Variants in TRHDE observed in about 807,000 individuals in gnomAD.
TRHDE encodes thyrotropin releasing hormone degrading enzyme, also known as thyrotropin-releasing hormone-degrading ectoenzyme.
TRHDE carries 72 observed loss-of-function variants against 125.7 expected under a neutral mutation model. The ratio of observed to expected loss-of-function variants is 0.57; its 90% confidence interval spans 0.47 to 0.70. The LOEUF is 0.70. Ranked by LOEUF, TRHDE falls within the 30% of genes least tolerant of loss-of-function variation. TRHDE has a pLI of 0.00. For synonymous variants in TRHDE, 509 were observed against 509.1 expected, an observed-to-expected ratio of 1.00 and a Z score of 0.00; for missense variants, 1,110 against 1,327.1, an observed-to-expected ratio of 0.84 and a Z score of 2.54.
chr12:72,616,970 T>C (rs1411977689), intron 12 of TRHDE, among the ~76,000 whole-genome samples: 2 of 152,114 alleles, frequency 1.3e-5, no homozygotes, highest in African/African-American at 4.8e-5. Context: ...TAAAACATTA[T>C]TTTAATAAAA....
intron 2 of TRHDE, among the ~76,000 whole-genome samples, chr12:72,222,290 G>A (rs973511187): frequency 4.6e-5 from 7 of 152,068 alleles, no homozygotes; most frequent in African/African-American, 1.7e-4. Context: ...CTGGTAAGAA[G>A]AGCATGTGGA....
chr12:72,087,842 G>A (rs1449824884), intron 1 of TRHDE, among the ~76,000 whole-genome samples: 2 of 152,066 alleles, frequency 1.3e-5, no homozygotes, highest in East Asian at 3.9e-4. Context: ...TAGCAATCTG[G>A]GCCGTTGTGT....
intron 2 of TRHDE, among the ~76,000 whole-genome samples, chr12:72,184,675 A>C (rs1415411616): frequency 1.3e-5 from 2 of 151,996 alleles, no homozygotes. Context: ...CATAGAATGC[A>C]ATTTCTATTC....
upstream of TRHDE, among the ~76,000 whole-genome samples, chr12:72,271,500 G>A (rs1357270695): frequency 6.6e-6 from 1 of 152,226 alleles, no homozygotes; most frequent in African/African-American, 2.4e-5. Flanking sequence ...ACTTCTTGCA[G>A]GCGGCTCAGC....
chr12:72,343,570 G>A (rs946810853), intron 2 of TRHDE, among the ~76,000 whole-genome samples: 12 of 152,022 alleles, frequency 7.9e-5, no homozygotes, highest in African/African-American at 2.9e-4. Context: ...AACCTATTAA[G>A]TGTCACTTTA....
At chr12:72,287,151 G>C (rs1053807254) in intron 2 of TRHDE, among the ~76,000 whole-genome samples, 197 bp downstream of exon 2, 1 of 151,820 alleles carries the variant, frequency 6.6e-6, no homozygotes, top group African/African-American at 2.4e-5. Context: ...TCTATACCCA[G>C]CACTCTTATT....
chr12:72,631,622 A>G (rs571348266), intron 15 of TRHDE, among the ~76,000 whole-genome samples: 1 of 152,076 alleles, frequency 6.6e-6, no homozygotes, highest in African/African-American at 2.4e-5. Context: ...CTCTTTTTAA[A>G]AAGTACAGCA....
At chr12:72,525,632 TG>T (rs1868319909) in intron 6 of TRHDE, among the ~76,000 whole-genome samples, 2 of 146,946 alleles carry the variant, frequency 1.4e-5, no homozygotes, top group South Asian at 4.3e-4. Context: ...TGTGTGTGTG[TG>T]TGAGAGAGAG....
chr12:72,224,366 T>G (rs1878081148), intron 2 of TRHDE, among the ~76,000 whole-genome samples: 1 of 152,064 alleles, frequency 6.6e-6, no homozygotes, highest in Non-Finnish European at 1.5e-5. Context: ...GGCTATAGGT[T>G]GTGGTGCTCC....
At chr12:72,547,001 T>C (rs1043990361) in intron 7 of TRHDE, among the ~76,000 whole-genome samples, 14 of 151,844 alleles carry the variant, frequency 9.2e-5, no homozygotes, top group African/African-American at 3.4e-4. Flanking sequence ...AAAGGATTCT[T>C]GGAAATGTAG....
chr12:72,464,397 G>C (rs1047976448), intron 3 of TRHDE, among the ~76,000 whole-genome samples: 1 of 152,076 alleles, frequency 6.6e-6, no homozygotes, highest in Non-Finnish European at 1.5e-5. Context: ...TGTCTGGTAG[G>C]GTCTGCTCTC....
At position 72,175,339 on chromosome 12, in the gene TRHDE, C is replaced by T. The variant is rs145447117; in HGVS notation, n.279+69587C>T. Among the ~76,000 whole-genome samples the T allele has an allele frequency of 6.8e-4, 103 of 152,306 alleles. 1 individual carries two copies. In the East Asian group the frequency reaches 0.016, roughly 24 times the overall value. On this transcript the variant is annotated intron_variant and non_coding_transcript_variant, in intron 2 of 4. Coordinates refer to the TRHDE transcript ENST00000548156. ...TACACTGCAGGATTTCTCTTCCTTA[C>T]CAGAACAAATTACTACCGTGGTGTT...
chr12:72,526,478 A>C (rs965804039), intron 6 of TRHDE, among the ~76,000 whole-genome samples: 4 of 152,166 alleles, frequency 2.6e-5, no homozygotes, highest in Non-Finnish European at 5.9e-5. Flanking sequence ...TGTTGGGATG[A>C]CTGTACTTTC....
At chr12:72,125,245 T>C (rs909275031) in intron 2 of TRHDE, among the ~76,000 whole-genome samples, 1 of 152,214 alleles carries the variant, frequency 6.6e-6, no homozygotes, top group African/African-American at 2.4e-5. Context: ...TAGAGAGTTT[T>C]GTTTCTTTGA....
At chr12:72,293,384 T>C (rs1202398922) in intron 2 of TRHDE, among the ~76,000 whole-genome samples, 3 of 152,134 alleles carry the variant, frequency 2.0e-5, no homozygotes, top group Non-Finnish European at 4.4e-5. Flanking sequence ...AGAAATGTAT[T>C]AGAAAGTGAT....
At chr12:72,438,269 G>A (rs1874836071) in intron 3 of TRHDE, among the ~76,000 whole-genome samples, 1 of 151,646 alleles carries the variant, frequency 6.6e-6, no homozygotes, top group African/African-American at 2.4e-5. Flanking sequence ...ACCTATTGAT[G>A]TCATTTTCTT....
chr12:72,275,808 G>A (rs1406639666), intron 1 of TRHDE, among the ~76,000 whole-genome samples: 1 of 152,076 alleles, frequency 6.6e-6, no homozygotes, highest in Non-Finnish European at 1.5e-5. Flanking sequence ...CTCTCTTGCA[G>A]TTTTCCCCAA....
intron 2 of TRHDE, among the ~76,000 whole-genome samples, chr12:72,203,400 G>A (rs1220784425): frequency 6.6e-6 from 1 of 152,154 alleles, no homozygotes; most frequent in Non-Finnish European, 1.5e-5. Flanking sequence ...CCCAGGAGGC[G>A]GAGCTTGCAG....
At chr12:72,449,686 T>A (rs901310567) in intron 3 of TRHDE, among the ~76,000 whole-genome samples, 3 of 151,852 alleles carry the variant, frequency 2.0e-5, no homozygotes, top group Admixed American at 6.6e-5. Flanking sequence ...AGATTGCAAA[T>A]ATGGACTCTG....
Sources: allele counts gnomAD v4.1 joint callset (sites outside exome capture counted in the v4.1 genomes callset), GRCh38; gene constraint gnomAD v4.1.1; transcripts MANE v1.5; gene names NCBI Gene and HGNC (gene_info 2026-07-23, HGNC 2026-07-21).